Variants in NHS observed in about 807,000 individuals in gnomAD.
The protein encoded by NHS is actin remodeling regulator NHS.
NHS carries 5 observed loss-of-function variants against 72.5 expected under a neutral mutation model. That is an observed-to-expected ratio of 0.07 (90% confidence interval 0.04 to 0.14). The LOEUF (loss-of-function observed/expected upper bound fraction) is 0.14. NHS is among the 10% of genes least tolerant of loss of function. The pLI, the probability that NHS is intolerant of heterozygous loss-of-function variation, is 1.00. For synonymous variants in NHS, 464 were observed against 547.7 expected (o/e 0.85, Z 2.13); for missense variants, 1,072 against 1,355.7 (o/e 0.79, Z 3.29).
chrX:17,732,074 C>G lies in NHS; in HGVS notation c.4566C>G (p.Leu1522=). 8.3e-7 allele frequency: 1 copy of G among 1,211,525 alleles called. No homozygotes were observed. Among genetic ancestry groups the G allele is most frequent in the South Asian group, 1.8e-5 (1 of 56,926 alleles). The change falls in exon 9 of 9, where the codon CTC becomes CTG. Residue 1522 remains leucine (L), a synonymous_variant. Transcript: ENST00000676302. Reference sequence around the variant, plus strand: ...ATGAAGAGTTTAAGCTGTTACTGCTCAAGAAAGGCAGTCGCTCAGATTCTA... The same window carrying G: ...ATGAAGAGTTTAAGCTGTTACTGCTGAAGAAAGGCAGTCGCTCAGATTCTA... ...TSNEEFKLLL[L]KKGSRSDSSY... is the part of the protein sequence containing the mutation.
chrX:17,728,669 T>G lies in NHS; in HGVS notation c.4243T>G (p.Ser1415Ala). 1 of 1,210,463 alleles carries G rather than the reference T, an allele frequency of 8.3e-7. No homozygotes were observed. Among genetic ancestry groups the G allele is most frequent in the Middle Eastern group, 2.3e-4 (1 of 4,354 alleles). ...TTAAGAATCATCACCGAGTGATGAC[T>G]CCATCATTTCACCACTTAGTGAAGA... is the stretch of plus-strand genomic sequence containing the variant. ...SLKESSPSDDSIISPLSEDSQ... is the reference protein window; with the variant it reads ...SLKESSPSDDAIISPLSEDSQ... Residue 1415 changes from serine to alanine, a missense_variant, in exon 8 of 9, where the codon TCC becomes GCC. Physicochemically the swap from Ser to Ala is moderately conservative, Grantham distance 99 (BLOSUM62 1). Coordinates refer to ENST00000676302, the MANE Select transcript of NHS (RefSeq NM_001291867.2).
chrX:17,406,197 A>G (rs1283629754), intron 1 of NHS, among the ~76,000 whole-genome samples: 1 of 111,780 alleles, frequency 8.9e-6, no homozygotes, highest in Non-Finnish European at 1.9e-5. Flanking sequence ...TGTCAGTCTT[A>G]CAGATGATAA....
chrX:17,616,831 T>A (rs1488558797), intron 1 of NHS, among the ~76,000 whole-genome samples: 4 of 112,594 alleles, frequency 3.6e-5, no homozygotes, highest in Non-Finnish European at 7.5e-5. Context: ...AATTTTTAAA[T>A]TCCATTCTTT....
At chrX:17,641,003 TTG>T (rs1374185429) in intron 1 of NHS, among the ~76,000 whole-genome samples, 3 of 112,535 alleles carry the variant, frequency 2.7e-5, no homozygotes, top group African/African-American at 9.7e-5. Flanking sequence ...ATTAAGATAA[TTG>T]TGTGTTGAGT....
At chrX:17,537,203 C>T (rs1173016809) in intron 1 of NHS, among the ~76,000 whole-genome samples, 1 of 112,147 alleles carries the variant, frequency 8.9e-6, no homozygotes, top group African/African-American at 3.2e-5. Context: ...GATGTTTTGC[C>T]TGTTCTGTTA....
At chrX:17,644,144 A>C in intron 1 of NHS, among the ~76,000 whole-genome samples, 1 of 112,170 alleles carries the variant, frequency 8.9e-6, no homozygotes, top group East Asian at 2.8e-4. Flanking sequence ...TGCTTTCTCA[A>C]ATTTCCCAAG....
At chrX:17,510,644 T>C (rs774706915) in intron 1 of NHS, among the ~76,000 whole-genome samples, 2 of 111,952 alleles carry the variant, frequency 1.8e-5, no homozygotes, top group Non-Finnish European at 3.8e-5. Flanking sequence ...TTTCCCAAAG[T>C]AGCCTGGGTG....
intron 1 of NHS, among the ~76,000 whole-genome samples, chrX:17,497,491 T>G (rs2065018322): frequency 9.0e-6 from 1 of 111,672 alleles, no homozygotes; most frequent in African/African-American, 3.3e-5. Flanking sequence ...AAGCTAACGT[T>G]TCTCCCACGC....
chrX:17,665,093 A>T (rs184385100), intron 1 of NHS, among the ~76,000 whole-genome samples: 1,535 of 109,244 alleles, frequency 0.014, 30 homozygotes, highest in African/African-American at 0.049. Flanking sequence ...TGATTTTTAT[A>T]TATTGACCTT....
chrX:17,678,110 A>T (rs2066095707), intron 1 of NHS, among the ~76,000 whole-genome samples: 1 of 111,843 alleles, frequency 8.9e-6, no homozygotes, highest in South Asian at 3.7e-4. Flanking sequence ...TTTTATTTTT[A>T]AAAAGCAGTA....
intron 3 of NHS, 70 bp downstream of exon 3, chrX:17,692,538 T>G: frequency 8.5e-7 from 1 of 1,172,497 alleles, no homozygotes; most frequent in South Asian, 1.8e-5. Context: ...GGGAGTCAGT[T>G]TCCTGCCTCC....
intron 4 of NHS, 52 bp downstream of exon 4, chrX:17,719,458 ACT>A: frequency 3.3e-6 from 3 of 921,995 alleles, no homozygotes; most frequent in African/African-American, 2.0e-5. Flanking sequence ...CTGTCCAGAC[ACT>A]CTTCCTTTTT....
At position 17,713,293 on chromosome X, in the gene NHS, T is replaced by C. The variant is rs747455904; in HGVS notation, c.853-6051T>C. Among the ~76,000 whole-genome samples, 4 of 111,488 alleles carry C rather than the reference T, an allele frequency of 3.6e-5. 1 individual carries two copies. In the South Asian group the frequency reaches 1.1e-3, roughly 32 times the overall value. On this transcript the variant is annotated intron_variant, in intron 3 of 8. Coordinates refer to ENST00000676302, the MANE Select transcript of NHS (RefSeq NM_001291867.2). Reference sequence around the variant, plus strand: ...CACAGTATGTGCACAAATGCAAGGATTTGGTTTAAGGACAAACGAGCCCCA... The same window carrying C: ...CACAGTATGTGCACAAATGCAAGGACTTGGTTTAAGGACAAACGAGCCCCA...
chrX:17,599,522 C>T (rs1328716286), intron 1 of NHS, among the ~76,000 whole-genome samples: 1 of 110,653 alleles, frequency 9.0e-6, no homozygotes, highest in Non-Finnish European at 1.9e-5. Context: ...AGACAGCTCC[C>T]ATATATCTCC....
intron 1 of NHS, among the ~76,000 whole-genome samples, chrX:17,622,115 G>A (rs772585214): frequency 1.8e-5 from 2 of 111,686 alleles, no homozygotes; most frequent in South Asian, 3.8e-4. Context: ...GCTTTGTTTC[G>A]GTTTCAAACC....
chrX:17,553,683 C>T (rs764396311), intron 1 of NHS, among the ~76,000 whole-genome samples: 2 of 111,858 alleles, frequency 1.8e-5, no homozygotes, highest in South Asian at 3.8e-4. Context: ...CAGACCTTCC[C>T]GTTCTGCCTC....
At chrX:17,641,162 AGAG>A (rs2065879003) in intron 1 of NHS, among the ~76,000 whole-genome samples, 1 of 111,756 alleles carries the variant, frequency 8.9e-6, no homozygotes, top group Non-Finnish European at 1.9e-5. Flanking sequence ...ATGGGTAAGA[AGAG>A]GAGATTTTAT....
At chrX:17,722,483 A>G (rs764324019) in intron 5 of NHS, among the ~76,000 whole-genome samples, 2 of 111,956 alleles carry the variant, frequency 1.8e-5, no homozygotes, top group South Asian at 7.5e-4. Flanking sequence ...TAAAGATTGC[A>G]TGTCACTTGA....
chrX:17,718,591 GGAAA>G (rs765887248), intron 3 of NHS, among the ~76,000 whole-genome samples: 96 of 94,873 alleles, frequency 1.0e-3, no homozygotes, highest in Non-Finnish European at 1.2e-3. Flanking sequence ...AACGGAGGGA[GGAAA>G]GAAAGAAGGA....
Sources: gnomAD v4.1 joint callset for allele counts (sites outside exome capture counted in the v4.1 genomes callset) on GRCh38, gnomAD v4.1.1 for gene constraint, MANE v1.5 for transcripts, NCBI Gene and HGNC (gene_info 2026-07-23, HGNC 2026-07-21) for gene names.